Variants in ZFHX4 observed in about 807,000 individuals in gnomAD.
ZFHX4 encodes the protein zinc finger homeobox 4.
A neutral mutation model predicts 267.6 loss-of-function variants in ZFHX4; 56 were observed. The ratio of observed to expected loss-of-function variants is 0.21; its 90% CI spans 0.17 to 0.26. The LOEUF (loss-of-function observed/expected upper bound fraction) is 0.26. Ranked by LOEUF, ZFHX4 falls within the 10% of genes least tolerant of loss-of-function variation. ZFHX4 has a pLI of 1.00. For synonymous variants in ZFHX4, 1,778 were observed against 1,665.6 expected, an observed-to-expected ratio of 1.07 and a Z score of -1.64; for missense variants, 4,332 against 4,420.0, an observed-to-expected ratio of 0.98 and a Z score of 0.56.
intron 3 of ZFHX4, among the ~76,000 whole-genome samples, chr8:76,744,085 C>T (rs963015944): frequency 1.3e-5 from 2 of 152,116 alleles, no homozygotes; most frequent in Non-Finnish European, 2.9e-5. Flanking sequence ...GTGGCTCACG[C>T]CTGTAATCCC....
intron 5 of ZFHX4, among the ~76,000 whole-genome samples, chr8:76,837,765 C>T (rs558038265): frequency 2.2e-4 from 33 of 152,182 alleles, no homozygotes; most frequent in African/African-American, 7.2e-4. Flanking sequence ...AGGCAATATA[C>T]AGATAATTTC....
In ZFHX4 at chr8:76,851,891, C is replaced by T; in HGVS notation, c.4970C>T (p.Ala1657Val). The change falls in exon 10 of 11, where the codon GCT (alanine) becomes GTT (valine). Residue 1657 changes from alanine to valine, a missense_variant. Physicochemically the swap from Ala to Val is moderately conservative, Grantham distance 64. Transcript: ENST00000651372. ...ATGTTAGATTCCATGAGTTTAGCAGCTGTAAACAGCAAAGATACCCATTTA... is the reference window on the plus strand; with the variant it reads ...ATGTTAGATTCCATGAGTTTAGCAGTTGTAAACAGCAAAGATACCCATTTA... ...QGMLDSMSLA[A>V]VNSKDTHLDA... 6.2e-7 allele frequency: 1 copy of T among 1,613,962 alleles called. No individual in the cohort carries two copies.
At chr8:76,725,397 C>T (rs182470272) in intron 3 of ZFHX4, among the ~76,000 whole-genome samples, 20 of 152,154 alleles carry the variant, frequency 1.3e-4, no homozygotes, top group African/African-American at 4.1e-4. Context: ...ACAAGAGCTA[C>T]GTTTTAAAAT....
intron 4 of ZFHX4, among the ~76,000 whole-genome samples, chr8:76,803,909 T>C (rs2131831709): frequency 6.6e-6 from 1 of 152,266 alleles, no homozygotes; most frequent in East Asian, 1.9e-4. Flanking sequence ...ATTGTAATTA[T>C]ACAAAAGTGA....
intron 5 of ZFHX4, among the ~76,000 whole-genome samples, chr8:76,836,203 A>G (rs1023202903): frequency 2.6e-5 from 4 of 152,210 alleles, no homozygotes; most frequent in Non-Finnish European, 5.9e-5. Flanking sequence ...ATTGCAATAA[A>G]TGTGATAAAG....
At chr8:76,719,993 T>A (rs1195059786) in intron 3 of ZFHX4, among the ~76,000 whole-genome samples, 1 of 152,172 alleles carries the variant, frequency 6.6e-6, no homozygotes, top group Non-Finnish European at 1.5e-5. Flanking sequence ...TTTTTTTATT[T>A]GCAACAATTC....
intron 4 of ZFHX4, among the ~76,000 whole-genome samples, chr8:76,826,314 A>G (rs1811783529): frequency 6.6e-6 from 1 of 152,190 alleles, no homozygotes; most frequent in Non-Finnish European, 1.5e-5. Context: ...ACCTCCCACC[A>G]GACCCTACCT....
At chr8:76,758,899 C>T (rs1367833927) in intron 3 of ZFHX4, among the ~76,000 whole-genome samples, 1 of 152,010 alleles carries the variant, frequency 6.6e-6, no homozygotes, top group African/African-American at 2.4e-5. Context: ...ACTGTTTTCC[C>T]CAGTCTTGAG....
chr8:76,727,066 G>A, intron 3 of ZFHX4, among the ~76,000 whole-genome samples: 1 of 152,040 alleles, frequency 6.6e-6, no homozygotes, highest in Non-Finnish European at 1.5e-5. Context: ...CATTTTTACT[G>A]TCCCCAGTAT....
At chr8:76,712,186 C>A (rs1422688398) in intron 3 of ZFHX4, among the ~76,000 whole-genome samples, 1 of 152,090 alleles carries the variant, frequency 6.6e-6, no homozygotes, top group Non-Finnish European at 1.5e-5. Flanking sequence ...GGGATTTAGT[C>A]CTAGGTAACT....
At position 76,855,821 on chromosome 8, in the gene ZFHX4, G is replaced by A. The variant is rs764230583; in HGVS notation, c.8900G>A (p.Gly2967Asp). The change falls in exon 10 of 11, where the codon GGT becomes GAT. Residue 2967 changes from glycine (G) to aspartate (D), a missense_variant. Coordinates refer to ENST00000651372, the MANE Select transcript of ZFHX4 (RefSeq NM_024721.5). ...TGTGAAATGTTAGGGAATGAGATTG[G>A]TCTGCCCAAACGCGTAGTCCAGGTG... ...QECEMLGNEI[G>D]LPKRVVQVWF... 27 of 1,613,814 alleles carry A rather than the reference G, an allele frequency of 1.7e-5. No individual in the cohort carries two copies. In the South Asian group the frequency reaches 1.9e-4, roughly 11 times the overall value.
At chr8:76,782,100 ATTTTT>A (rs77420241) in intron 4 of ZFHX4, 15,198 of 235,606 alleles carry the variant, frequency 0.065, 464 homozygotes, top group African/African-American at 0.19. Context: ...TCAGTTAAGA[ATTTTT>A]TTTTTTTTTT....
intron 4 of ZFHX4, among the ~76,000 whole-genome samples, chr8:76,779,063 A>G (rs1240813467): frequency 6.6e-6 from 1 of 152,202 alleles, no homozygotes; most frequent in Non-Finnish European, 1.5e-5. Context: ...TCCTGTTTAT[A>G]TATGAAATCC....
chr8:76,771,373 A>ATG (rs545160905), intron 3 of ZFHX4, among the ~76,000 whole-genome samples: 13 of 152,216 alleles, frequency 8.5e-5, no homozygotes, highest in South Asian at 4.1e-4. Context: ...CATATAGCAG[A>ATG]TGCTCTCTGA....
In ZFHX4 at chr8:76,681,497, T is replaced by C. The variant is rs1807527543; in HGVS notation, c.-170T>C. On this transcript the variant is annotated 5_prime_UTR_variant, in exon 1 of 11. Transcript: ENST00000651372. ...CACCCAATAAAGTTCGAGGATTATT[T>C]TTTATTTTTTTTGTTTTTTTAATGA... 1 of 398,578 alleles carries C rather than the reference T, an allele frequency of 2.5e-6. No homozygotes were observed. The highest frequency in any genetic ancestry group is 4.4e-5 in the Admixed American group (1 of 22,688). 24.7% of individuals were successfully genotyped at this position (398,578 alleles called of 1,614,324 possible). A position where few individuals can be genotyped will look rare whatever the true frequency, so the allele number is the denominator to read the frequency against.
Position 76,852,757 on chromosome 8 carries a change from C to A in ZFHX4, c.5836C>A (p.Leu1946Ile), listed in dbSNP as rs915780225. The A allele has an allele frequency of 1.1e-5, 17 of 1,613,550 alleles. No homozygotes were observed. The highest frequency in any genetic ancestry group is 1.3e-5 in the Non-Finnish European group (15 of 1,179,754). ...TGGTGAAGGCGAAAACACTGACAAA[C>A]TAGAATGTGGAACATGTGGTAAATT... ...KSGEGENTDK[L>I]ECGTCGKLFS... Residue 1946 changes from leucine (L) to isoleucine (I), a missense_variant, in exon 10 of 11, where the codon CTA becomes ATA. Coordinates refer to ENST00000651372, the MANE Select transcript of ZFHX4 (RefSeq NM_024721.5).
At chr8:76,824,710 C>CT in intron 4 of ZFHX4, among the ~76,000 whole-genome samples, 1 of 152,164 alleles carries the variant, frequency 6.6e-6, no homozygotes, top group Middle Eastern at 3.4e-3. Context: ...TTAGCTGGGA[C>CT]TACAGGCATG....
Position 76,854,866 on chromosome 8 carries a change from G to A in ZFHX4, c.7945G>A (p.Val2649Met). The change falls in exon 10 of 11, where the codon GTG becomes ATG. Residue 2649 changes from valine (V) to methionine (M), a missense_variant. Physicochemically the swap from Val to Met is conservative, Grantham distance 21. Coordinates refer to ENST00000651372, the MANE Select transcript of ZFHX4 (RefSeq NM_024721.5). ...CGAAGTCGGGCTGAAAAAAAGGGTC[G>A]TGCAAGTCTGGTTCCAGAATACACG... ...AREVGLKKRV[V>M]QVWFQNTRAR... 6.2e-7 allele frequency: 1 copy of A among 1,611,584 alleles called. No individual in the cohort carries two copies. Among genetic ancestry groups the A allele is most frequent in the Non-Finnish European group, 8.5e-7 (1 of 1,179,002 alleles).
At chr8:76,817,667 A>G (rs1811541558) in intron 4 of ZFHX4, among the ~76,000 whole-genome samples, 1 of 152,190 alleles carries the variant, frequency 6.6e-6, no homozygotes, top group Non-Finnish European at 1.5e-5. Context: ...TATTTCTACA[A>G]TGTGTATTGG....
Sources: gnomAD v4.1 joint callset for allele counts (sites outside exome capture counted in the v4.1 genomes callset) on GRCh38, gnomAD v4.1.1 for gene constraint, MANE v1.5 for transcripts, NCBI Gene and HGNC (gene_info 2026-07-23, HGNC 2026-07-21) for gene names.